GPATCH2L: variants seen among roughly 807,000 people sequenced by gnomAD.
The protein encoded by GPATCH2L is G patch domain-containing protein 2-like.
GPATCH2L carries 31 observed loss-of-function variants against 57.4 expected under a neutral mutation model. The ratio of observed to expected loss-of-function variants is 0.54; its 90% CI spans 0.41 to 0.73. The LOEUF (loss-of-function observed/expected upper bound fraction) is 0.73. Ranked by LOEUF, GPATCH2L falls within the 30% of genes least tolerant of loss-of-function variation. The pLI is 0.00. For synonymous variants in GPATCH2L, 199 were observed against 210.7 expected (o/e 0.94, Z 0.48); for missense variants, 481 against 599.9 (o/e 0.80, Z 2.07).
At chr14:76,157,859 T>A (rs1409776082) in intron 2 of GPATCH2L, among the ~76,000 whole-genome samples, 2 of 152,230 alleles carry the variant, frequency 1.3e-5, no homozygotes, top group Admixed American at 1.3e-4. Flanking sequence ...CCCTCACAAG[T>A]TTTGAGGAAC....
At chr14:76,178,504 G>A (rs113781146) in intron 7 of GPATCH2L, 41,480 of 219,384 alleles carry the variant, frequency 0.19, 4,444 homozygotes, top group African/African-American at 0.3. Context: ...TATTTCTGTT[G>A]TTATTACATT....
rs1490205270 is a variant in GPATCH2L, at chr14:76,210,045, C to G, written c.*8194C>G. On this transcript the variant is annotated 3_prime_UTR_variant, in exon 10 of 10. Coordinates refer to ENST00000261530, the MANE Select transcript of GPATCH2L (RefSeq NM_017926.4). ...AACACTGATGAAGCGAAGTCCTCCT[C>G]AGGGACCTCTTAGGGAAGAGGGTAA... The G allele has an allele frequency of 2.0e-5, 3 of 152,194 alleles. No individual in the cohort carries two copies. Among genetic ancestry groups the G allele is most frequent in the African/African-American group, 7.2e-5 (3 of 41,442 alleles). The allele number at this position is 152,194 out of a possible 1,614,324, so 9.4% of individuals were successfully genotyped here.
chr14:76,157,639 T>A (rs1022831524), intron 2 of GPATCH2L, among the ~76,000 whole-genome samples: 1 of 151,682 alleles, frequency 6.6e-6, no homozygotes, highest in African/African-American at 2.4e-5. Flanking sequence ...ATGAAGTTGA[T>A]TGTTAAGCTT....
chr14:76,229,106 A>G (rs1338503794), intron 1 of GPATCH2L, among the ~76,000 whole-genome samples: 1 of 152,234 alleles, frequency 6.6e-6, no homozygotes, highest in Non-Finnish European at 1.5e-5. Context: ...GGTGACTGCA[A>G]GCTCTCCATG....
At chr14:76,171,249 A>G (rs1407319944) in intron 3 of GPATCH2L, among the ~76,000 whole-genome samples, 1 of 151,426 alleles carries the variant, frequency 6.6e-6, no homozygotes, top group East Asian at 1.9e-4. Flanking sequence ...CCTGGGCAAC[A>G]TAAGGAGACC....
In GPATCH2L at chr14:76,155,009, G is replaced by T. The variant is rs933138459; in HGVS notation, c.646G>T (p.Glu216Ter). The change falls in exon 2 of 10, where the codon GAG (glutamate) becomes TAG (stop). Residue 216 changes from glutamate to a stop codon, truncating the protein, a stop_gained. Transcript: ENST00000261530. LOFTEE classifies it high-confidence loss of function. Reference sequence around the variant, plus strand: ...AGATGAACAAAAACAGGGCTCTGATGAGAACATGTCAGAATGGTGAGATCT... The same window carrying T: ...AGATGAACAAAAACAGGGCTCTGATTAGAACATGTCAGAATGGTGAGATCT... Reference protein sequence around the residue: ...ETDEQKQGSDENMSECETSSV... With the variant: ...ETDEQKQGSD 5 of 1,611,602 alleles carry T rather than the reference G, an allele frequency of 3.1e-6. No homozygotes were observed. Among genetic ancestry groups the T allele is most frequent in the Non-Finnish European group, 4.2e-6 (5 of 1,179,626 alleles).
At chr14:76,153,904 T>C (rs2038171871) in intron 1 of GPATCH2L, 1 of 154,720 alleles carries the variant, frequency 6.5e-6, no homozygotes, top group Admixed American at 6.4e-5. Flanking sequence ...CATGTGCTAC[T>C]CTGTGTTTCC....
chr14:76,224,391 T>A (rs2040527838), intron 1 of GPATCH2L, among the ~76,000 whole-genome samples: 2 of 152,208 alleles, frequency 1.3e-5, no homozygotes, highest in Non-Finnish European at 2.9e-5. Context: ...GATATACGAA[T>A]TATGTTTCCA....
intron 2 of GPATCH2L, among the ~76,000 whole-genome samples, chr14:76,232,011 A>ACTGCAGCCTCACTGCAGCATCACTGC: frequency 6.6e-6 from 1 of 150,440 alleles, no homozygotes; most frequent in Admixed American, 6.6e-5. Context: ...CTGCAGGCTC[A>ACTGCAGCCTCACTGCAGCATCACTGC]AGCAATCTTC....
intron 7 of GPATCH2L, chr14:76,179,321 T>C (rs2039468515): frequency 6.6e-6 from 1 of 152,214 alleles, no homozygotes; most frequent in African/African-American, 2.4e-5. Context: ...AGGACAAAGC[T>C]GAGCAAAAAT....
downstream of GPATCH2L, among the ~76,000 whole-genome samples, chr14:76,217,165 G>A (rs8006048): frequency 0.77 from 117,329 of 152,006 alleles, 46,158 homozygotes; most frequent in South Asian, 0.88. Flanking sequence ...AATCTGACTG[G>A]CCCAAGGCCT....
intron 5 of GPATCH2L, 24 bp from the exon 6 acceptor site, chr14:76,176,599 C>T (rs1458292804): frequency 6.5e-7 from 1 of 1,542,400 alleles, no homozygotes; most frequent in East Asian, 2.2e-5. Context: ...TTGGATGATA[C>T]TCTTGTCTGC....
At chr14:76,184,467 A>G (rs1030667554) in intron 8 of GPATCH2L, among the ~76,000 whole-genome samples, 1 of 145,510 alleles carries the variant, frequency 6.9e-6, no homozygotes, top group African/African-American at 2.6e-5. Flanking sequence ...TGCTAGAACC[A>G]TATGCCCTTC....
intron 6 of GPATCH2L, among the ~76,000 whole-genome samples, chr14:76,177,707 GT>G (rs1325231735): frequency 2.2e-5 from 3 of 138,836 alleles, no homozygotes; most frequent in Non-Finnish European, 4.6e-5. Flanking sequence ...GTTTTTTTTT[GT>G]TTTTGTTTTT....
chr14:76,185,130 A>T (rs2039717214), intron 8 of GPATCH2L, among the ~76,000 whole-genome samples: 1 of 151,378 alleles, frequency 6.6e-6, no homozygotes, highest in South Asian at 2.1e-4. Context: ...TAAATGGATC[A>T]GGGGCAGAGT....
At chr14:76,196,086 C>T in intron 9 of GPATCH2L, 114 bp downstream of exon 9, 1 of 842,766 alleles carries the variant, frequency 1.2e-6, no homozygotes, top group Non-Finnish European at 2.0e-6. Flanking sequence ...ATTTTATTCC[C>T]ACTTTACATG....
At chr14:76,178,079 G>A (rs893221075) in intron 7 of GPATCH2L, 37 bp downstream of exon 7, 16 of 1,520,090 alleles carry the variant, frequency 1.1e-5, no homozygotes, top group Non-Finnish European at 1.3e-5. Flanking sequence ...TGATTTTCTT[G>A]GAGAACCGTT....
chr14:76,194,863 A>G (rs2040098571), intron 8 of GPATCH2L, among the ~76,000 whole-genome samples: 2 of 152,300 alleles, frequency 1.3e-5, no homozygotes, highest in Non-Finnish European at 2.9e-5. Context: ...GTTTTAATCA[A>G]CAGCTAATGA....
rs925643441 is a variant in GPATCH2L at position 76,213,632 on chromosome 14, A to G, written c.*11781A>G. The G allele has an allele frequency of 2.0e-5, 3 of 152,170 alleles. No homozygotes were observed. Among genetic ancestry groups the G allele is most frequent in the Admixed American group, 2.0e-4 (3 of 15,268 alleles). 9.4% of individuals were successfully genotyped at this position (152,170 alleles called of 1,614,324 possible). On this transcript the variant is annotated 3_prime_UTR_variant, in exon 10 of 10. Coordinates refer to ENST00000261530, the MANE Select transcript of GPATCH2L (RefSeq NM_017926.4). ...GGCGATTTATTCCCTCTGGTGTTCC[A>G]TGTTAGCCTGACACAGAGCCCCCTC...
Sources: allele counts gnomAD v4.1 joint callset (sites outside exome capture counted in the v4.1 genomes callset), GRCh38; gene constraint gnomAD v4.1.1; transcripts MANE v1.5; gene names NCBI Gene and HGNC (gene_info 2026-07-23, HGNC 2026-07-21).